The following GALNS variants were observed in gnomAD, a reference collection of about 807,000 sequenced individuals.
GALNS encodes galactosamine (N-acetyl)-6-sulfatase, also known as N-acetylgalactosamine-6-sulfatase.
A neutral mutation model predicts 65.9 loss-of-function variants in GALNS; 65 were observed. The ratio of observed to expected loss-of-function variants is 0.99; its 90% CI spans 0.81 to 1.21. The LOEUF (loss-of-function observed/expected upper bound fraction) is 1.21, where lower values mean the gene tolerates loss of function less well. Among genes scored for constraint, GALNS ranks in the 50% most tolerant of loss-of-function variants. The pLI is 0.00. For missense variants in GALNS, 776 were observed against 700.7 expected (o/e 1.11, Z -1.21); for synonymous variants, 346 against 288.9 (o/e 1.20, Z -2.00).
chr16:88,829,003 T>A (rs9745418), intron 9 of GALNS, among the ~76,000 whole-genome samples: 2,595 of 55,556 alleles, frequency 0.047, 118 homozygotes, highest in East Asian at 0.12. Context: ...TCTCACGCCA[T>A]CGTCTCCCAG....
intron 4 of GALNS, 37 bp from the exon 5 acceptor site, chr16:88,837,802 C>T (rs759126822): frequency 7.0e-5 from 112 of 1,610,940 alleles, no homozygotes; most frequent in Middle Eastern, 4.9e-4. Flanking sequence ...AGGGACCCCA[C>T]GTGGGGACAC....
intron 11 of GALNS, among the ~76,000 whole-genome samples, chr16:88,824,411 A>G (rs1243990091): frequency 1.3e-5 from 2 of 152,118 alleles, no homozygotes; most frequent in Non-Finnish European, 2.9e-5. Flanking sequence ...ACCTGGGCCA[A>G]GCAGGCCACG....
chr16:88,814,370 G>A lies in GALNS; in HGVS notation c.*69C>T. On this transcript the variant is annotated 3_prime_UTR_variant, in exon 14 of 14. Coordinates refer to ENST00000268695, the MANE Select transcript of GALNS (RefSeq NM_000512.5). ...GGGTTGGGGGAGGACCGAGGCCAGA[G>A]CCATCCTTCCTCCAGGCACTTGCAG... The A allele has an allele frequency of 1.3e-6, 2 of 1,545,332 alleles. No individual in the cohort carries two copies. Among genetic ancestry groups the A allele is most frequent in the Non-Finnish European group, 1.7e-6 (2 of 1,143,770 alleles).
intron 5 of GALNS, among the ~76,000 whole-genome samples, chr16:88,837,382 C>T (rs1052317795): frequency 1.3e-5 from 2 of 152,302 alleles, no homozygotes; most frequent in African/African-American, 2.4e-5. Context: ...TCTCTCAGGA[C>T]AGCTACAGGG....
chr16:88,852,555 G>C (rs1327323541), intron 1 of GALNS, among the ~76,000 whole-genome samples: 1 of 152,252 alleles, frequency 6.6e-6, no homozygotes, highest in African/African-American at 2.4e-5. Flanking sequence ...GACAGAAGTA[G>C]GCTTCAGAAA....
chr16:88,816,398 G>A (rs1909628753), intron 13 of GALNS: 36 of 985,426 alleles, frequency 3.7e-5, no homozygotes, highest in Non-Finnish European at 4.3e-5. Flanking sequence ...GAGACTCAGG[G>A]GTCCTGAGAC....
In GALNS at chr16:88,814,541, T is replaced by A; in HGVS notation, c.1483-16A>T. 6.4e-7 allele frequency: 1 copy of A among 1,551,968 alleles called. No homozygotes were observed. On this transcript the variant is annotated splice_polypyrimidine_tract_variant and intron_variant, in intron 13 of 13. Transcript: ENST00000268695. ...GTGCCCAGTTCTGGGAAATGAAAAT[T>A]GAGAAAAAGAACATGCAGTTATTCA...
chr16:88,832,197 C>T (rs1300243670), intron 8 of GALNS, 96 bp from the exon 9 acceptor site: 1 of 1,143,560 alleles, frequency 8.7e-7, no homozygotes, highest in Non-Finnish European at 1.3e-6. Context: ...GTCATAGGGA[C>T]AAAGGGCCCG....
At chr16:88,835,167 C>T (rs368430992) in intron 8 of GALNS, 46 bp downstream of exon 8, 2 of 1,553,424 alleles carry the variant, frequency 1.3e-6, no homozygotes, top group Non-Finnish European at 1.7e-6. Flanking sequence ...TCTTCGCTGA[C>T]ACGCTGGCTG....
chr16:88,814,283 C>G lies in GALNS; in HGVS notation c.*156G>C. On this transcript the variant is annotated 3_prime_UTR_variant, in exon 14 of 14. Coordinates refer to ENST00000268695, the MANE Select transcript of GALNS (RefSeq NM_000512.5). The stretch of plus-strand genomic sequence containing the variant: ...GCCAAGCACACGCCAGGGTCAGGTC[C>G]TGGGCAGGTGGAATTGTGCAGTCCC... 9.8e-7 allele frequency: 1 copy of G among 1,023,258 alleles called. No individual in the cohort carries two copies. Among genetic ancestry groups the G allele is most frequent in the Non-Finnish European group, 1.5e-6 (1 of 675,086 alleles). 63.4% of individuals were successfully genotyped at this position (1,023,258 alleles called of 1,614,324 possible). A position where few individuals can be genotyped will look rare whatever the true frequency, so the allele number is the denominator to read the frequency against.
intron 1 of GALNS, among the ~76,000 whole-genome samples, chr16:88,850,952 C>T (rs368436552): frequency 1.8e-4 from 28 of 152,360 alleles, no homozygotes; most frequent in South Asian, 4.1e-4. Flanking sequence ...TGTTCCCAGA[C>T]GCCAGCCGAG....
At chr16:88,852,884 G>C (rs544779363) in intron 1 of GALNS, among the ~76,000 whole-genome samples, 20 of 152,274 alleles carry the variant, frequency 1.3e-4, no homozygotes, top group African/African-American at 4.8e-4. Flanking sequence ...GAGCCCAGTA[G>C]TTTGAGGCTG....
chr16:88,855,673 G>C (rs538937099), intron 1 of GALNS: 1 of 597,398 alleles, frequency 1.7e-6, no homozygotes, highest in African/African-American at 1.9e-5. Context: ...ATTGTTAAGT[G>C]AGATATTTTA....
chr16:88,814,239 G>T lies in GALNS; in HGVS notation c.*200C>A. 1.4e-6 allele frequency: 1 copy of T among 698,350 alleles called. No individual in the cohort carries two copies. Among genetic ancestry groups the T allele is most frequent in the Non-Finnish European group, 2.5e-6 (1 of 407,052 alleles). The allele number at this position is 698,350 out of a possible 1,614,324, so 43.3% of individuals were successfully genotyped here. On this transcript the variant is annotated 3_prime_UTR_variant, in exon 14 of 14. Transcript: ENST00000268695. ...GGAGGAGGGTCCTGAAATCTGAGGC[G>T]CCGTGGGCGAGGAGGAGGGCCAAGC...
intron 13 of GALNS, chr16:88,817,112 G>A (rs1424543408): frequency 1.0e-6 from 1 of 985,356 alleles, no homozygotes; most frequent in Non-Finnish European, 1.2e-6. Flanking sequence ...CAGCTGTGCT[G>A]GGAAACAGGC....
At chr16:88,841,239 C>T (rs913251367) in intron 3 of GALNS, 145 bp from the exon 4 acceptor site, 41 of 712,324 alleles carry the variant, frequency 5.8e-5, no homozygotes, top group South Asian at 1.2e-4. Flanking sequence ...GGGGGCTGCG[C>T]GTCCACAGGG....
chr16:88,842,860 A>G lies in GALNS; in HGVS notation c.121-31T>C, dbSNP rs776895500. On this transcript the variant is annotated intron_variant, in intron 1 of 13. Coordinates refer to ENST00000268695, the MANE Select transcript of GALNS (RefSeq NM_000512.5). The stretch of plus-strand genomic sequence containing the variant: ...GGGAAGAGCACGGGGAGGAGGAATG[A>G]GCGCCTTCTGCAGGTGCTTCTGGCC... 22 of 1,610,620 alleles carry G rather than the reference A, an allele frequency of 1.4e-5. No individual in the cohort carries two copies. Among genetic ancestry groups the G allele is most frequent in the Non-Finnish European group, 1.7e-5 (20 of 1,178,488 alleles).
intron 1 of GALNS, chr16:88,843,085 G>T (rs761639398): frequency 6.7e-7 from 1 of 1,501,562 alleles, no homozygotes. Flanking sequence ...AGCCCACGCT[G>T]TCTTTCGCCT....
chr16:88,856,195 G>A (rs79278921), intron 1 of GALNS: 14,182 of 703,028 alleles, frequency 0.02, 197 homozygotes, highest in Non-Finnish European at 0.027. Flanking sequence ...TCAGACCTTA[G>A]GGACACCTGA....
Sources: gnomAD v4.1 joint callset for allele counts (sites outside exome capture counted in the v4.1 genomes callset) on GRCh38, gnomAD v4.1.1 for gene constraint, MANE v1.5 for transcripts, NCBI Gene and HGNC (gene_info 2026-07-23, HGNC 2026-07-21) for gene names.